The following DYNC2H1 variants were observed in gnomAD, a reference collection of about 807,000 sequenced individuals.
DYNC2H1 encodes cytoplasmic dynein 2 heavy chain 1.
A neutral mutation model predicts 570.0 loss-of-function variants in DYNC2H1; 410 were observed. That is an observed-to-expected ratio of 0.72 (90% CI 0.66 to 0.78). The LOEUF (loss-of-function observed/expected upper bound fraction) is 0.78. Among genes scored for constraint, DYNC2H1 ranks in the 30% least tolerant of loss-of-function variants. DYNC2H1 has a pLI of 0.00. For missense variants in DYNC2H1, 4,865 were observed against 5,046.4 expected (o/e 0.96, Z 1.09); for synonymous variants, 1,688 against 1,677.6 (o/e 1.01, Z -0.15).
At chr11:103,321,540 G>C (rs773182527) in intron 81 of DYNC2H1, among the ~76,000 whole-genome samples, 4 of 152,060 alleles carry the variant, frequency 2.6e-5, no homozygotes, top group Admixed American at 1.3e-4. Context: ...TGAAGTGGGA[G>C]AATATGCACT....
intron 82 of DYNC2H1, among the ~76,000 whole-genome samples, chr11:103,340,145 T>C (rs1029856992): frequency 1.3e-5 from 2 of 151,644 alleles, no homozygotes; most frequent in Non-Finnish European, 2.9e-5. Flanking sequence ...GCACACCTGA[T>C]TTTTTTGTTT....
rs1454806117 is a variant in DYNC2H1 at position 103,280,753 on chromosome 11, G to T, written c.10761+340G>T. On this transcript the variant is annotated intron_variant, in intron 71 of 88. Coordinates refer to ENST00000375735, the MANE Select transcript of DYNC2H1 (RefSeq NM_001377.3). This position sits in a 1 kb window ranked among gnomAD's most constrained non-coding sequence, Gnocchi z 4.7. ...ATATAGAAAAAGTGAGACAATATTG[G>T]TACAAAACTACATTATTTATTGCTT... 6.6e-6 allele frequency among the ~76,000 whole-genome samples: 1 copy of T among 152,036 alleles called. No homozygotes were observed. The highest frequency in any genetic ancestry group is 1.5e-5 in the Non-Finnish European group (1 of 67,968).
chr11:103,368,797 GAT>G (rs1941023225), intron 83 of DYNC2H1, among the ~76,000 whole-genome samples: 1 of 151,926 alleles, frequency 6.6e-6, no homozygotes, highest in Non-Finnish European at 1.5e-5. Context: ...TCTGCATGTG[GAT>G]ATCTAATTTT....
At chr11:103,390,338 TC>T (rs1942082764) in intron 83 of DYNC2H1, among the ~76,000 whole-genome samples, 1 of 150,594 alleles carries the variant, frequency 6.6e-6, no homozygotes, top group African/African-American at 2.5e-5. Flanking sequence ...TTTTTTGTTT[TC>T]CATTTGCTTG....
At chr11:103,398,363 T>C (rs1942482703) in intron 83 of DYNC2H1, among the ~76,000 whole-genome samples, 1 of 152,178 alleles carries the variant, frequency 6.6e-6, no homozygotes. Flanking sequence ...AGTATTAATA[T>C]TGTAAATGTA....
intron 13 of DYNC2H1, among the ~76,000 whole-genome samples, chr11:103,132,346 T>A (rs990899110): frequency 2.0e-5 from 3 of 152,114 alleles, no homozygotes; most frequent in Non-Finnish European, 2.9e-5. Context: ...TCATTTTTTT[T>A]ATAATTCTAT....
Position 103,259,949 on chromosome 11 carries a change from A to G in DYNC2H1, c.10667A>G (p.Tyr3556Cys). ...ATCAGCTCATTACAACATATGGTATATGAATATATATGTCGTTGTCTATTT... is the reference window on the plus strand; with the variant it reads ...ATCAGCTCATTACAACATATGGTATGTGAATATATATGTCGTTGTCTATTT... ...SLISSLQHMV[Y>C]EYICRCLFKA... Residue 3556 changes from tyrosine to cysteine, a missense_variant, in exon 70 of 89, where the codon TAT (tyrosine) becomes TGT (cysteine). Physicochemically the swap from Tyr to Cys is radical, Grantham distance 194. Around this residue, in one of 5 missense-constraint regions of DYNC2H1, gnomAD observed 2,401 missense variants for 2,454.6 expected, o/e 0.98. Transcript: ENST00000375735. The G allele has an allele frequency of 6.5e-7, 1 of 1,541,430 alleles. No homozygotes were observed. Among genetic ancestry groups the G allele is most frequent in the Non-Finnish European group, 8.8e-7 (1 of 1,141,310 alleles).
At chr11:103,354,815 T>A (rs984145248) in intron 82 of DYNC2H1, among the ~76,000 whole-genome samples, 7 of 151,864 alleles carry the variant, frequency 4.6e-5, no homozygotes, top group Non-Finnish European at 1.0e-4. Context: ...ATCTTTTTTT[T>A]TTTTTTTCCT....
chr11:103,277,084 A>G lies in DYNC2H1; in HGVS notation c.10696-3264A>G, dbSNP rs1173891326. 2.0e-5 allele frequency among the ~76,000 whole-genome samples: 3 copies of G among 152,076 alleles called. No homozygotes were observed. ...TTACAAGTTATTCATGCTCTTTGTA[A>G]TAGCCAAATAATGTATACATATAAA... is the stretch of plus-strand genomic sequence containing the variant. On this transcript the variant is annotated intron_variant, in intron 70 of 88. Transcript: ENST00000375735. The surrounding 1 kb of genome is among the most constrained non-coding windows in gnomAD (Gnocchi z 4.3).
At chr11:103,132,714 G>A (rs1477876368) in intron 13 of DYNC2H1, among the ~76,000 whole-genome samples, 2 of 151,794 alleles carry the variant, frequency 1.3e-5, no homozygotes, top group South Asian at 4.2e-4. Context: ...CCAAAGTGGA[G>A]CATTTGTACA....
intron 82 of DYNC2H1, among the ~76,000 whole-genome samples, chr11:103,348,330 C>T (rs1174942189): frequency 1.3e-5 from 2 of 152,096 alleles, no homozygotes; most frequent in Admixed American, 1.3e-4. Context: ...GTAAACAGCA[C>T]ATATTTAGTG....
At chr11:103,387,101 G>T (rs1941918560) in intron 83 of DYNC2H1, among the ~76,000 whole-genome samples, 1 of 152,232 alleles carries the variant, frequency 6.6e-6, no homozygotes, top group East Asian at 1.9e-4. Flanking sequence ...GGTTGAACTA[G>T]TTTACAGTCC....
intron 83 of DYNC2H1, among the ~76,000 whole-genome samples, chr11:103,377,139 G>A (rs988466165): frequency 6.6e-6 from 1 of 152,154 alleles, no homozygotes; most frequent in African/African-American, 2.4e-5. Context: ...CTTGCATCTG[G>A]ATGTTCATAT....
intron 88 of DYNC2H1, among the ~76,000 whole-genome samples, chr11:103,470,855 C>G (rs1002623114): frequency 8.5e-5 from 13 of 152,270 alleles, no homozygotes; most frequent in Admixed American, 5.2e-4. Flanking sequence ...TTGCTATTGT[C>G]AATAGTGCCG....
intron 17 of DYNC2H1, among the ~76,000 whole-genome samples, chr11:103,142,308 G>A (rs1391423463): frequency 6.6e-6 from 1 of 152,170 alleles, no homozygotes; most frequent in Non-Finnish European, 1.5e-5. Context: ...CGTCGCCCAC[G>A]CTGGGAACTG....
Position 103,163,031 on chromosome 11 carries a change from T to A in DYNC2H1, c.4495T>A (p.Trp1499Arg). The change falls in exon 30 of 89, where the codon TGG becomes AGG. Residue 1499 changes from tryptophan to arginine, a missense_variant. By Grantham distance (101) the Trp-to-Arg change is moderately radical. This residue lies in a region of DYNC2H1 where 1,936 missense variants were observed against 1,962.1 expected (regional missense o/e 0.99). Coordinates refer to ENST00000375735, the MANE Select transcript of DYNC2H1 (RefSeq NM_001377.3). The surrounding 1 kb of genome is among the most constrained non-coding windows in gnomAD (Gnocchi z 4.6). ...TATTTTCCAATTTCTTTTTCAGACA[T>A]GGTTGAATGATTTGGCCTTAGAAAT... ...KVPLSNNVET[W>R]LNDLALEMKK... 6.2e-7 allele frequency: 1 copy of A among 1,610,372 alleles called. No homozygotes were observed. Among genetic ancestry groups the A allele is most frequent in the South Asian group, 1.1e-5 (1 of 90,396 alleles).
chr11:103,228,901 C>A lies in DYNC2H1; in HGVS notation c.9354-2359C>A, dbSNP rs1003064836. Among the ~76,000 whole-genome samples the A allele has an allele frequency of 6.6e-6, 1 of 151,956 alleles. No homozygotes were observed. The highest frequency in any genetic ancestry group is 2.4e-5 in the African/African-American group (1 of 41,380). On this transcript the variant is annotated intron_variant, in intron 59 of 88. Coordinates refer to ENST00000375735, the MANE Select transcript of DYNC2H1 (RefSeq NM_001377.3). This position sits in a 1 kb window ranked among gnomAD's most constrained non-coding sequence, Gnocchi z 6.1. ...GAGCTCAGCCTCTCCTTTGGTGGGG[C>A]TTGTTGTGGCTGCTGTGGGGGAGGG...
chr11:103,383,111 G>C (rs1181530154), intron 83 of DYNC2H1, among the ~76,000 whole-genome samples: 2 of 152,184 alleles, frequency 1.3e-5, no homozygotes, highest in Non-Finnish European at 2.9e-5. Context: ...GTTTGAGGGG[G>C]GGATTCTTTG....
At chr11:103,110,222 C>T (rs188830804) in intron 1 of DYNC2H1, among the ~76,000 whole-genome samples, 2 of 152,088 alleles carry the variant, frequency 1.3e-5, no homozygotes, top group African/African-American at 4.8e-5. Context: ...GGTTTCACCA[C>T]GTTGGCCATG....
Sources: allele counts gnomAD v4.1 joint callset (sites outside exome capture counted in the v4.1 genomes callset), GRCh38; gene constraint gnomAD v4.1.1; regional missense constraint gnomAD v4.1.1; non-coding constraint Gnocchi (gnomAD v3.1); transcripts MANE v1.5; gene names NCBI Gene and HGNC (gene_info 2026-07-23, HGNC 2026-07-21).